Variants in LAMA3 observed in about 807,000 individuals in gnomAD.
LAMA3 encodes the protein laminin subunit alpha-3.
Under a neutral mutation model 402.0 loss-of-function variants are expected in LAMA3, and 281 were observed. The observed-to-expected ratio is 0.70, with a 90% CI of 0.63 to 0.77. The LOEUF (loss-of-function observed/expected upper bound fraction) is 0.77, where lower values mean the gene tolerates loss of function less well. LAMA3 is among the 30% of genes least tolerant of loss of function. The pLI, the probability that LAMA3 is intolerant of heterozygous loss-of-function variation, is 0.00. For missense variants in LAMA3, 3,840 were observed against 4,215.5 expected (o/e 0.91, Z 2.47); for synonymous variants, 1,431 against 1,558.4 (o/e 0.92, Z 1.93).
intron 70 of LAMA3, among the ~76,000 whole-genome samples, chr18:23,948,625 A>C (rs1305626638): frequency 1.3e-5 from 2 of 150,492 alleles, no homozygotes; most frequent in Non-Finnish European, 3.0e-5. Context: ...GCTGGAGTGC[A>C]GTAGTACGAT....
rs573956536 is a variant in LAMA3, at chr18:23,858,000, C to A, written c.4281+12C>A. 1.2e-6 allele frequency: 2 copies of A among 1,614,024 alleles called. No homozygotes were observed. The highest frequency in any genetic ancestry group is 1.7e-6 in the Non-Finnish European group (2 of 1,179,988). On this transcript the variant is annotated intron_variant, in intron 33 of 74. Transcript: ENST00000313654. ...CTTGCCTCTGCAAGGTAAGAGAGAT[C>A]GTGCAATGCCAGACAACAGCTGCCG...
intron 63 of LAMA3, 125 bp downstream of exon 63, chr18:23,928,365 T>G: frequency 1.3e-6 from 1 of 760,916 alleles, no homozygotes. Context: ...CTGGCTCATA[T>G]ACACTCCCCA....
rs1409287107 is a variant in LAMA3, at chr18:23,914,533, G to A, written c.7453G>A (p.Ala2485Thr). The change falls in exon 57 of 75, where the codon GCA becomes ACA. Residue 2485 changes from alanine to threonine, a missense_variant. Ala to Thr is a moderately conservative substitution (Grantham distance 58). Around this residue, in one of 3 missense-constraint regions of LAMA3, gnomAD observed 891 missense variants for 857.5 expected, o/e 1.04. Transcript: ENST00000313654. ...CTTGACCAAGAGTGAGACTAAGGAG[G>A]CAGTTATGGATCGGGTGAAATTTCA... ...QILTKSETKE[A>T]VMDRVKFQRI... The A allele has an allele frequency of 1.2e-6, 2 of 1,614,170 alleles. No homozygotes were observed. The highest frequency in any genetic ancestry group is 2.2e-5 in the South Asian group (2 of 91,074).
chr18:23,840,064 G>A (rs1180685112), intron 27 of LAMA3, 135 bp downstream of exon 27: 3 of 937,040 alleles, frequency 3.2e-6, no homozygotes, highest in Non-Finnish European at 5.1e-6. Context: ...AGCTCTGGGG[G>A]TGGGCCCAGG....
At chr18:23,783,957 G>T (rs2062488135) in intron 11 of LAMA3, 66 bp from the exon 12 acceptor site, 1 of 1,584,200 alleles carries the variant, frequency 6.3e-7, no homozygotes, top group Non-Finnish European at 8.7e-7. Context: ...AAACCTAGGG[G>T]AAGGGAGAAA....
intron 8 of LAMA3, among the ~76,000 whole-genome samples, chr18:23,764,430 T>C (rs1200023742): frequency 6.6e-6 from 1 of 152,220 alleles, no homozygotes; most frequent in Non-Finnish European, 1.5e-5. Flanking sequence ...TGGACTAGAA[T>C]GTGTAGGTAG....
intron 41 of LAMA3, among the ~76,000 whole-genome samples, chr18:23,886,501 G>T (rs911082836): frequency 2.0e-5 from 3 of 151,852 alleles, no homozygotes; most frequent in Admixed American, 6.6e-5. Context: ...AATTAGCCAA[G>T]TGTGGTGGTG....
intron 12 of LAMA3, among the ~76,000 whole-genome samples, chr18:23,797,073 C>G (rs2062777467): frequency 6.6e-6 from 1 of 152,152 alleles, no homozygotes; most frequent in Non-Finnish European, 1.5e-5. Context: ...ACATACACAT[C>G]CAGCCTTGGA....
rs766685951 is a variant in LAMA3 at position 23,905,632 on chromosome 18, G to T, written c.6718+8G>T. 1.3e-6 allele frequency: 2 copies of T among 1,523,008 alleles called. No homozygotes were observed. Among genetic ancestry groups the T allele is most frequent in the Admixed American group, 1.7e-5 (1 of 59,840 alleles). The allele number at this position is 1,523,008 out of a possible 1,614,324, so 94.3% of individuals were successfully genotyped here. ...AAAAGAAGCTAAAGCAAGGTATTAGGGGGAGTGGGCAATGGCAGGGATAGT... is the reference window on the plus strand; with the variant it reads ...AAAAGAAGCTAAAGCAAGGTATTAGTGGGAGTGGGCAATGGCAGGGATAGT... On this transcript the variant is annotated splice_region_variant and intron_variant, in intron 52 of 74. Coordinates refer to ENST00000313654, the MANE Select transcript of LAMA3 (RefSeq NM_198129.4).
chr18:23,807,387 CTAGA>C (rs1256550826), intron 12 of LAMA3, among the ~76,000 whole-genome samples: 3 of 152,028 alleles, frequency 2.0e-5, no homozygotes, highest in Middle Eastern at 6.8e-3. Flanking sequence ...TCAGGGTTCT[CTAGA>C]TAGATAGATA....
intron 12 of LAMA3, among the ~76,000 whole-genome samples, chr18:23,793,737 C>T (rs1334488331): frequency 6.6e-6 from 1 of 152,186 alleles, no homozygotes; most frequent in African/African-American, 2.4e-5. Flanking sequence ...GCAGCAGCCA[C>T]CAGCCAAGTG....
At chr18:23,739,135 G>C (rs572506440) in intron 2 of LAMA3, among the ~76,000 whole-genome samples, 1 of 152,322 alleles carries the variant, frequency 6.6e-6, no homozygotes, top group African/African-American at 2.4e-5. Flanking sequence ...TTAGAGTGCA[G>C]GTTGGTGCCT....
chr18:23,690,187 G>C (rs936457468), intron 1 of LAMA3, among the ~76,000 whole-genome samples: 1 of 152,190 alleles, frequency 6.6e-6, no homozygotes, highest in African/African-American at 2.4e-5. Flanking sequence ...GAGGCGAGGA[G>C]GGGGAGCACG....
chr18:23,934,650 G>A (rs1032210883), intron 67 of LAMA3, among the ~76,000 whole-genome samples: 4 of 152,154 alleles, frequency 2.6e-5, no homozygotes, highest in East Asian at 1.9e-4. Flanking sequence ...TGGGCACCTC[G>A]GATCTGCCAG....
chr18:23,797,891 G>C (rs2062796921), intron 12 of LAMA3, among the ~76,000 whole-genome samples: 1 of 151,916 alleles, frequency 6.6e-6, no homozygotes, highest in Admixed American at 6.6e-5. Context: ...AGTGCCCTAT[G>C]GTTTTCTTTC....
intron 7 of LAMA3, among the ~76,000 whole-genome samples, chr18:23,759,346 A>G (rs867590797): frequency 0.011 from 1,602 of 151,968 alleles, 15 homozygotes; most frequent in Non-Finnish European, 0.016. Flanking sequence ...AAAAAAAAAA[A>G]AAGAAGAAAG....
chr18:23,908,533 C>CAAAAAAAA (rs111961159), intron 54 of LAMA3, among the ~76,000 whole-genome samples: 2 of 57,040 alleles, frequency 3.5e-5, no homozygotes, highest in African/African-American at 1.1e-4. Context: ...CCATCTCAAA[C>CAAAAAAAA]AAAAAAAAAA....
At chr18:23,912,323 A>G (rs1173411860) in intron 55 of LAMA3, among the ~76,000 whole-genome samples, 1 of 151,816 alleles carries the variant, frequency 6.6e-6, no homozygotes, top group African/African-American at 2.4e-5. Context: ...AATGTATTAC[A>G]TGTCTGATTG....
intron 32 of LAMA3, among the ~76,000 whole-genome samples, chr18:23,855,777 A>G (rs952692206): frequency 2.6e-5 from 4 of 152,134 alleles, no homozygotes; most frequent in African/African-American, 9.7e-5. Flanking sequence ...TACACTCTAT[A>G]CCTACATTAC....
Sources: allele counts gnomAD v4.1 joint callset (sites outside exome capture counted in the v4.1 genomes callset), GRCh38; gene constraint gnomAD v4.1.1; regional missense constraint gnomAD v4.1.1; transcripts MANE v1.5; gene names NCBI Gene and HGNC (gene_info 2026-07-23, HGNC 2026-07-21).